The following FHL2 variants were observed in gnomAD, a reference collection of about 807,000 sequenced individuals.
FHL2 encodes the protein four and a half LIM domains protein 2.
In FHL2, 20 loss-of-function variants were observed where a neutral mutation model predicts 32.7. The ratio of observed to expected loss-of-function variants is 0.61; its 90% CI spans 0.43 to 0.89. FHL2 has a LOEUF of 0.89. Ranked by LOEUF, FHL2 falls within the 40% of genes least tolerant of loss-of-function variation. The pLI is 0.00. For missense variants in FHL2, 311 were observed against 358.6 expected (o/e 0.87, Z 1.07); for synonymous variants, 123 against 128.1 (o/e 0.96, Z 0.27).
At chr2:105,377,862 G>A (rs1219542445) in intron 3 of FHL2, 3 of 362,118 alleles carry the variant, frequency 8.3e-6, no homozygotes, top group Non-Finnish European at 1.6e-5. Flanking sequence ...CTCTCTCTGG[G>A]AAGATAGTTG....
chr2:105,370,486 A>G (rs1680974488), intron 4 of FHL2, among the ~76,000 whole-genome samples: 1 of 152,036 alleles, frequency 6.6e-6, no homozygotes. Flanking sequence ...AACGTCTGCT[A>G]ATAGGGGCGC....
intron 4 of FHL2, 110 bp from the exon 5 acceptor site, chr2:105,367,849 C>G: frequency 9.1e-7 from 1 of 1,095,436 alleles, no homozygotes; most frequent in Non-Finnish European, 1.3e-6. Flanking sequence ...CCAGAGCAAG[C>G]CACTTCAGCT....
chr2:105,433,828 A>G (rs1329437844), intron 1 of FHL2, among the ~76,000 whole-genome samples: 1 of 152,222 alleles, frequency 6.6e-6, no homozygotes, highest in Admixed American at 6.5e-5. Flanking sequence ...ATTCTTTATG[A>G]AAATGATTTT....
chr2:105,373,605 G>T lies in FHL2; in HGVS notation c.285C>A (p.Asn95Lys), dbSNP rs374383740. The change falls in exon 4 of 7, where the codon AAC becomes AAA. Residue 95 changes from asparagine (N) to lysine (K), a missense_variant. By Grantham distance (94) the Asn-to-Lys change is moderately conservative. Coordinates refer to ENST00000530340, the MANE Select transcript of FHL2 (RefSeq NM_001318895.3). ...ATTCCTGGCACTTGGATGAGTACTC[G>T]TTGGAATAGCAGTCTGTACAGAGCA... ...DQLLCTDCYS[N>K]EYSSKCQECK... 6.2e-7 allele frequency: 1 copy of T among 1,614,236 alleles called. No individual in the cohort carries two copies.
intron 2 of FHL2, among the ~76,000 whole-genome samples, chr2:105,388,406 C>A (rs1173625537): frequency 1.3e-5 from 2 of 152,070 alleles, no homozygotes; most frequent in Admixed American, 1.3e-4. Flanking sequence ...AGAGAAAAAG[C>A]CTACCACAGG....
At position 105,393,495 on chromosome 2, in the gene FHL2, A is replaced by T. The variant is rs147981541; in HGVS notation, c.-25+3152T>A. On this transcript the variant is annotated intron_variant, in intron 2 of 6. Coordinates refer to ENST00000530340, the MANE Select transcript of FHL2 (RefSeq NM_001318895.3). ...CTATGTGGGCTCTTTTAAAAAATAC[A>T]TTATAAAAGTGCAGTGTTTTCATGC... Among the ~76,000 whole-genome samples the T allele has an allele frequency of 3.1e-4, 47 of 152,312 alleles. 1 individual carries two copies. The highest frequency in any genetic ancestry group is 6.8e-3 in the Middle Eastern group (2 of 292).
intron 1 of FHL2, among the ~76,000 whole-genome samples, chr2:105,435,096 G>A (rs1385749055): frequency 6.6e-6 from 1 of 151,858 alleles, no homozygotes; most frequent in Non-Finnish European, 1.5e-5. Context: ...ATATATTTTG[G>A]TGTATTTTTT....
At chr2:105,421,289 G>A (rs1684097600) in intron 1 of FHL2, among the ~76,000 whole-genome samples, 1 of 152,216 alleles carries the variant, frequency 6.6e-6, no homozygotes, top group South Asian at 2.1e-4. Context: ...CTGGGGCTTT[G>A]TGGCAATGTT....
At chr2:105,408,406 T>C (rs1257365427) in intron 1 of FHL2, among the ~76,000 whole-genome samples, 1 of 152,194 alleles carries the variant, frequency 6.6e-6, no homozygotes, top group African/African-American at 2.4e-5. Flanking sequence ...CTAATGTTGA[T>C]TTGAGCATCC....
At chr2:105,431,606 G>A (rs1195055491) in intron 1 of FHL2, among the ~76,000 whole-genome samples, 4 of 152,198 alleles carry the variant, frequency 2.6e-5, no homozygotes, top group Non-Finnish European at 4.4e-5. Flanking sequence ...AGGAAGAGAT[G>A]AGGTCAGATT....
upstream of FHL2, among the ~76,000 whole-genome samples, chr2:105,402,530 C>T (rs1041761962): frequency 3.9e-5 from 6 of 151,942 alleles, no homozygotes; most frequent in East Asian, 7.7e-4. Context: ...CAGGCGTGGG[C>T]GACCATGCCT....
intron 1 of FHL2, among the ~76,000 whole-genome samples, chr2:105,427,359 T>C (rs1684297820): frequency 6.6e-6 from 1 of 152,228 alleles, no homozygotes; most frequent in Non-Finnish European, 1.5e-5. Flanking sequence ...TCCACTGAAC[T>C]GATTTCATGA....
Position 105,373,584 on chromosome 2 carries a change from C to T in FHL2, c.306G>A (p.Gln102=). Residue 102 remains glutamine (Q), a synonymous_variant, in exon 4 of 7, where the codon CAG becomes CAA. Coordinates refer to ENST00000530340, the MANE Select transcript of FHL2 (RefSeq NM_001318895.3). ...CYSNEYSSKC[Q]ECKKTIMPGT... Reference sequence around the variant, plus strand: ...CTGGCATGATGGTCTTCTTGCATTCCTGGCACTTGGATGAGTACTCGTTGG... The same window carrying T: ...CTGGCATGATGGTCTTCTTGCATTCTTGGCACTTGGATGAGTACTCGTTGG... 1 of 1,614,230 alleles carries T rather than the reference C, an allele frequency of 6.2e-7. No individual in the cohort carries two copies. The highest frequency in any genetic ancestry group is 8.5e-7 in the Non-Finnish European group (1 of 1,180,040).
chr2:105,368,933 T>C (rs920578687), intron 4 of FHL2, among the ~76,000 whole-genome samples: 4 of 152,136 alleles, frequency 2.6e-5, no homozygotes, highest in African/African-American at 7.2e-5. Flanking sequence ...TCAAATGAAG[T>C]TTTATTGGAA....
chr2:105,396,606 A>G, intron 2 of FHL2, 41 bp downstream of exon 2: 1 of 1,587,160 alleles, frequency 6.3e-7, no homozygotes, highest in Non-Finnish European at 8.6e-7. Flanking sequence ...TAAAACTGAA[A>G]TCCACAATTT....
intron 1 of FHL2, among the ~76,000 whole-genome samples, chr2:105,410,026 T>C (rs1348469184): frequency 6.6e-6 from 1 of 152,222 alleles, no homozygotes; most frequent in Non-Finnish European, 1.5e-5. Flanking sequence ...GAGATTACTG[T>C]GCACACTCAG....
chr2:105,399,416 C>A, upstream of FHL2: 1 of 1,536,050 alleles, frequency 6.5e-7, no homozygotes, highest in Non-Finnish European at 8.7e-7. Flanking sequence ...CCAGGACGTG[C>A]CGGGGGAGGC....
intron 1 of FHL2, among the ~76,000 whole-genome samples, chr2:105,407,609 A>G (rs1683675818): frequency 6.6e-6 from 1 of 152,082 alleles, no homozygotes; most frequent in African/African-American, 2.4e-5. Flanking sequence ...AGCAGATGCA[A>G]ACTTGGGAAT....
intron 4 of FHL2, among the ~76,000 whole-genome samples, chr2:105,370,316 A>T (rs1411113729): frequency 6.6e-6 from 1 of 152,056 alleles, no homozygotes; most frequent in Non-Finnish European, 1.5e-5. Context: ...TCAAGGCTGC[A>T]GTGAGCAGTG....
Sources: allele counts gnomAD v4.1 joint callset (sites outside exome capture counted in the v4.1 genomes callset), GRCh38; gene constraint gnomAD v4.1.1; transcripts MANE v1.5; gene names NCBI Gene and HGNC (gene_info 2026-07-23, HGNC 2026-07-21).